Variants in BMX observed in about 807,000 individuals in gnomAD.
BMX encodes the protein BMX non-receptor tyrosine kinase, also known as cytoplasmic tyrosine-protein kinase BMX.
A neutral mutation model predicts 59.2 loss-of-function variants in BMX; 31 were observed. The ratio of observed to expected loss-of-function variants is 0.52; its 90% CI spans 0.39 to 0.71. The LOEUF (loss-of-function observed/expected upper bound fraction) is 0.71. Ranked by LOEUF, BMX falls within the 30% of genes least tolerant of loss-of-function variation. The pLI is 0.00. For synonymous variants in BMX, 185 were observed against 181.0 expected, an observed-to-expected ratio of 1.02 and a Z score of -0.18; for missense variants, 474 against 491.7, an observed-to-expected ratio of 0.96 and a Z score of 0.34.
At chrX:15,547,223 CTGGG>C (rs1338950335) in intron 17 of BMX, among the ~76,000 whole-genome samples, 1 of 111,986 alleles carries the variant, frequency 8.9e-6, no homozygotes, top group Admixed American at 9.4e-5. Context: ...TCAAGTCCAG[CTGGG>C]GCAACACAGT....
At chrX:15,525,205 T>C (rs922438990) in intron 7 of BMX, 83 bp from the exon 8 acceptor site, 2 of 948,517 alleles carry the variant, frequency 2.1e-6, no homozygotes, top group Admixed American at 2.7e-5. Flanking sequence ...AGCTAAAACA[T>C]ATCTGAACAA....
Position 15,541,593 on chromosome X carries a change from T to G in BMX, c.1395-389T>G, listed in dbSNP as rs919326291. ...GAATGAAATATTTAGATGTGAAAGT[T>G]AATAAAAGAGAAATGATTGTTCTTA... On this transcript the variant is annotated intron_variant, in intron 14 of 18. Transcript: ENST00000348343. 3.6e-5 allele frequency among the ~76,000 whole-genome samples: 4 copies of G among 111,830 alleles called. No homozygotes were observed. The Admixed American group carries it at 3.8e-4, about 11-fold the overall frequency.
At chrX:15,555,201 C>CTTTTTTT (rs34118728) in intron 18 of BMX, among the ~76,000 whole-genome samples, 5 of 41,592 alleles carry the variant, frequency 1.2e-4, no homozygotes, top group African/African-American at 9.0e-5. Context: ...ACGAGGGAAG[C>CTTTTTTT]TTTTTTTTTT....
chrX:15,527,776 C>A (rs1318598730), intron 9 of BMX, among the ~76,000 whole-genome samples: 1 of 111,865 alleles, frequency 8.9e-6, no homozygotes, highest in Non-Finnish European at 1.9e-5. Flanking sequence ...TGTGCTGTAC[C>A]CTCCACATCT....
rs1351836355 is a variant in BMX at position 15,556,150 on chromosome X, A to G, written c.*3A>G. 8.3e-7 allele frequency: 1 copy of G among 1,201,295 alleles called. No homozygotes were observed. The highest frequency in any genetic ancestry group is 1.8e-5 in the African/African-American group (1 of 57,041). On this transcript the variant is annotated 3_prime_UTR_variant, in exon 19 of 19. Transcript: ENST00000348343. ...TTCGGGAAAAAGACAAGCATTGAAG[A>G]AGAAATTAGGAGTGCTGATAAGAAT... is the stretch of plus-strand genomic sequence containing the variant.
chrX:15,547,332 T>A (rs1242407914), intron 17 of BMX, among the ~76,000 whole-genome samples: 1 of 112,025 alleles, frequency 8.9e-6, no homozygotes, highest in East Asian at 2.8e-4. Context: ...AAGCTGAATC[T>A]GAGTTTTTGC....
At chrX:15,514,201 G>A (rs2147107364) in intron 4 of BMX, among the ~76,000 whole-genome samples, 1 of 111,924 alleles carries the variant, frequency 8.9e-6, no homozygotes, top group East Asian at 2.8e-4. Context: ...ATGGCCATTT[G>A]GAACCAAAAT....
At chrX:15,543,853 GTA>G (rs1925818921) in intron 16 of BMX, among the ~76,000 whole-genome samples, 1 of 111,382 alleles carries the variant, frequency 9.0e-6, no homozygotes, top group African/African-American at 3.3e-5. Context: ...CCTTAATCCT[GTA>G]TCCTAATACT....
intron 1 of BMX, 126 bp downstream of exon 1, chrX:15,501,066 AT>A: frequency 3.6e-6 from 2 of 552,732 alleles, no homozygotes; most frequent in Non-Finnish European, 4.4e-6. Context: ...ATAGTACAAC[AT>A]TTTTAATATG....
At chrX:15,502,151 G>C (rs1464744474) in intron 1 of BMX, among the ~76,000 whole-genome samples, 1 of 111,425 alleles carries the variant, frequency 9.0e-6, no homozygotes, top group Admixed American at 9.5e-5. Context: ...TGCCTTTACA[G>C]ATGGGGAAGC....
intron 16 of BMX, among the ~76,000 whole-genome samples, chrX:15,546,055 C>G (rs1306412243): frequency 8.9e-6 from 1 of 112,412 alleles, no homozygotes; most frequent in East Asian, 2.8e-4. Context: ...GAAGAGTTAT[C>G]TCATTTTTGA....
intron 9 of BMX, among the ~76,000 whole-genome samples, chrX:15,527,588 T>C (rs950316075): frequency 3.6e-5 from 4 of 111,741 alleles, no homozygotes; most frequent in African/African-American, 1.3e-4. Context: ...GGCACAGAAT[T>C]CACTTGAACA....
At position 15,543,353 on chromosome X, in the gene BMX, T is replaced by C. The variant is rs778443206; in HGVS notation, c.1676+218T>C. Reference sequence around the variant, plus strand: ...TTTCTAAACTTCTAAATAAATTCCATGAAAGATCCTAAATTTAAATACAAC... The same window carrying C: ...TTTCTAAACTTCTAAATAAATTCCACGAAAGATCCTAAATTTAAATACAAC... On this transcript the variant is annotated intron_variant, in intron 16 of 18. Coordinates refer to ENST00000348343, the MANE Select transcript of BMX (RefSeq NM_203281.3). Among the ~76,000 whole-genome samples, 66 of 111,804 alleles carry C rather than the reference T, an allele frequency of 5.9e-4. 1 individual carries two copies. Among genetic ancestry groups the C allele is most frequent in the Middle Eastern group, 4.6e-3 (1 of 218 alleles).
At chrX:15,530,227 A>G (rs753319801) in intron 10 of BMX, among the ~76,000 whole-genome samples, 200 bp downstream of exon 10, 5 of 111,994 alleles carry the variant, frequency 4.5e-5, no homozygotes, top group East Asian at 2.8e-4. Flanking sequence ...TGCATAATAA[A>G]CCACTCCTAA....
At chrX:15,553,287 C>A (rs899852679) in intron 18 of BMX, among the ~76,000 whole-genome samples, 4 of 111,854 alleles carry the variant, frequency 3.6e-5, no homozygotes, top group Non-Finnish European at 5.6e-5. Context: ...GTTTCTTATG[C>A]TGATGAGCCC....
At chrX:15,534,996 T>A (rs1298312408) in intron 12 of BMX, among the ~76,000 whole-genome samples, 29 of 111,759 alleles carry the variant, frequency 2.6e-4, no homozygotes, top group Non-Finnish European at 7.5e-5. Context: ...AATGGATGTT[T>A]CAGTGCACAA....
At chrX:15,551,281 G>A (rs1926185236) in intron 18 of BMX, among the ~76,000 whole-genome samples, 1 of 111,431 alleles carries the variant, frequency 9.0e-6, no homozygotes, top group Admixed American at 9.6e-5. Context: ...CTAGTAAAAG[G>A]CAAATTGGTG....
chrX:15,518,776 T>C (rs1272233111), intron 6 of BMX, among the ~76,000 whole-genome samples: 2 of 111,380 alleles, frequency 1.8e-5, no homozygotes, highest in Non-Finnish European at 3.8e-5. Flanking sequence ...GTTTCTATCA[T>C]GATTTGGTGG....
intron 6 of BMX, among the ~76,000 whole-genome samples, chrX:15,519,160 A>G (rs1924316206): frequency 8.9e-6 from 1 of 111,771 alleles, no homozygotes; most frequent in Non-Finnish European, 1.9e-5. Context: ...TACACAAAAA[A>G]TGGCTTCCCA....
Sources: allele counts gnomAD v4.1 joint callset (sites outside exome capture counted in the v4.1 genomes callset), GRCh38; gene constraint gnomAD v4.1.1; transcripts MANE v1.5; gene names NCBI Gene and HGNC (gene_info 2026-07-23, HGNC 2026-07-21).